The following ADGB variants were observed in gnomAD, a reference collection of about 807,000 sequenced individuals.
ADGB encodes androglobin.
A neutral mutation model predicts 210.5 loss-of-function variants in ADGB; 172 were observed. That is an observed-to-expected ratio of 0.82 (90% CI 0.72 to 0.93). ADGB has a LOEUF of 0.93. Ranked by LOEUF, ADGB falls within the 40% of genes least tolerant of loss-of-function variation. The probability of loss-of-function intolerance (pLI) is 0.00; values close to 1 mark genes in which losing one functional copy is unlikely to be tolerated. For synonymous variants in ADGB, 658 were observed against 662.7 expected (o/e 0.99, Z 0.11); for missense variants, 2,025 against 1,964.8 (o/e 1.03, Z -0.58).
chr6:146,772,933 T>G (rs1462347447), intron 29 of ADGB, among the ~76,000 whole-genome samples: 2 of 152,114 alleles, frequency 1.3e-5, no homozygotes, highest in Non-Finnish European at 2.9e-5. Context: ...AGAATGTGTC[T>G]CAGGCTATAC....
Position 146,656,923 on chromosome 6 carries a change from G to C in ADGB, c.555G>C (p.Lys185Asn). The change falls in exon 5 of 36, where the codon AAG (lysine) becomes AAC (asparagine). Residue 185 changes from lysine to asparagine, a missense_variant. Transcript: ENST00000397944. Reference sequence around the variant, plus strand: ...TATACTCTCTGTGCAAGGCTGTGAAGGGTCATATGCCTTTGTTCAATAGCT... The same window carrying C: ...TATACTCTCTGTGCAAGGCTGTGAACGGTCATATGCCTTTGTTCAATAGCT... ...EHIYSLCKAV[K>N]GHMPLFNSYG... 1 of 1,551,594 alleles carries C rather than the reference G, an allele frequency of 6.4e-7. No individual in the cohort carries two copies. Among genetic ancestry groups the C allele is most frequent in the Non-Finnish European group, 8.7e-7 (1 of 1,146,900 alleles).
chr6:146,737,104 G>T (rs1346101124), intron 23 of ADGB, among the ~76,000 whole-genome samples: 1 of 151,802 alleles, frequency 6.6e-6, no homozygotes, highest in East Asian at 1.9e-4. Flanking sequence ...TGGAAAATAT[G>T]TGGAACCATA....
chr6:146,786,169 A>ATATTATATATATTTAAGTATATAT (rs5880686), intron 32 of ADGB, among the ~76,000 whole-genome samples: 1 of 146,880 alleles, frequency 6.8e-6, no homozygotes, highest in Non-Finnish European at 1.5e-5. Context: ...AAGTTAGTAT[A>ATATTATATATATTTAAGTATATAT]TATATATATT....
chr6:146,766,927 A>C (rs1777585619), intron 28 of ADGB, among the ~76,000 whole-genome samples: 1 of 152,218 alleles, frequency 6.6e-6, no homozygotes, highest in Admixed American at 6.5e-5. Context: ...AAAATCTATC[A>C]GTATTAGTCA....
chr6:146,799,525 T>A (rs1196374010), intron 33 of ADGB, among the ~76,000 whole-genome samples: 31 of 104,380 alleles, frequency 3.0e-4, no homozygotes, highest in Middle Eastern at 0.011. Context: ...AGAGCAAGAC[T>A]CTGGGGGGAG....
At chr6:146,795,266 C>T (rs2114658130) in intron 33 of ADGB, among the ~76,000 whole-genome samples, 1 of 152,080 alleles carries the variant, frequency 6.6e-6, no homozygotes, top group South Asian at 2.1e-4. Flanking sequence ...ATGACAAAGA[C>T]ACCTAAAAGC....
chr6:146,642,419 A>G (rs561815927), intron 2 of ADGB, among the ~76,000 whole-genome samples: 2 of 152,168 alleles, frequency 1.3e-5, no homozygotes, highest in East Asian at 3.9e-4. Flanking sequence ...ATTCTACCAT[A>G]GAGACACATG....
chr6:146,807,156 T>C (rs259386), intron 35 of ADGB, among the ~76,000 whole-genome samples: 99,331 of 152,042 alleles, frequency 0.65, 32,733 homozygotes, highest in East Asian at 0.79. Context: ...AAAAAAAGTA[T>C]GTTTTGACTA....
At chr6:146,740,320 C>A (rs745702231) in intron 23 of ADGB, 139 bp from the exon 24 acceptor site, 11 of 733,758 alleles carry the variant, frequency 1.5e-5, no homozygotes, top group Non-Finnish European at 2.1e-5. Context: ...CTACACAGAC[C>A]CCCTTTGATC....
intron 8 of ADGB, among the ~76,000 whole-genome samples, chr6:146,674,540 G>C (rs910257136): frequency 2.6e-5 from 4 of 152,168 alleles, no homozygotes; most frequent in African/African-American, 9.7e-5. Flanking sequence ...TACAGGTGTA[G>C]GTGGGTAAAC....
At chr6:146,788,648 T>G in intron 33 of ADGB, 38 bp downstream of exon 33, 2 of 1,520,678 alleles carry the variant, frequency 1.3e-6, no homozygotes, top group South Asian at 2.4e-5. Context: ...AACATGTATT[T>G]TCAAATAAAA....
At position 146,660,183 on chromosome 6, in the gene ADGB, A is replaced by G. The variant is rs79602652; in HGVS notation, c.612+3203A>G. Among the ~76,000 whole-genome samples the G allele has an allele frequency of 5.4e-3, 817 of 152,302 alleles. 3 individuals carry two copies. Among genetic ancestry groups the G allele is most frequent in the Non-Finnish European group, 8.4e-3 (573 of 68,028 alleles). Reference sequence around the variant, plus strand: ...AGGGTAGAGCCTGCAATCCTGCATTATAAGAAAACTCTCTCATCCAGTGAC... The same window carrying G: ...AGGGTAGAGCCTGCAATCCTGCATTGTAAGAAAACTCTCTCATCCAGTGAC... On this transcript the variant is annotated intron_variant, in intron 5 of 35. Coordinates refer to ENST00000397944, the MANE Select transcript of ADGB (RefSeq NM_024694.4).
chr6:146,674,432 G>A (rs1776058549), intron 8 of ADGB, among the ~76,000 whole-genome samples: 2 of 152,242 alleles, frequency 1.3e-5, no homozygotes, highest in East Asian at 1.9e-4. Context: ...AGAAGAAGGA[G>A]CAAGTTCCAC....
chr6:146,647,982 G>T (rs1562264014), intron 3 of ADGB, among the ~76,000 whole-genome samples: 2 of 151,580 alleles, frequency 1.3e-5, no homozygotes, highest in Admixed American at 6.6e-5. Context: ...CACATACAAA[G>T]GTTTTAAAAA....
At chr6:146,656,095 A>G (rs1775776754) in intron 4 of ADGB, among the ~76,000 whole-genome samples, 1 of 152,206 alleles carries the variant, frequency 6.6e-6, no homozygotes. Context: ...ACTGCAACTT[A>G]GAGAGGTGGA....
chr6:146,653,659 G>A (rs1373526592), intron 3 of ADGB, among the ~76,000 whole-genome samples: 4 of 152,044 alleles, frequency 2.6e-5, no homozygotes, highest in African/African-American at 9.7e-5. Flanking sequence ...ATACCTGGGT[G>A]ATGAAATAAT....
chr6:146,688,446 C>T (rs78101257), intron 10 of ADGB, among the ~76,000 whole-genome samples: 165 of 152,134 alleles, frequency 1.1e-3, no homozygotes, highest in African/African-American at 3.8e-3. Flanking sequence ...GGAAATCTTA[C>T]GTTGGAAAGT....
chr6:146,716,657 T>C (rs1776740247), intron 14 of ADGB, among the ~76,000 whole-genome samples: 2 of 149,534 alleles, frequency 1.3e-5, no homozygotes, highest in Non-Finnish European at 1.5e-5. Flanking sequence ...AAAGTAATTC[T>C]GAAATTTTTG....
rs1583593787 is a variant in ADGB at position 146,694,960 on chromosome 6, TG to T, written c.1577+2048del. ...CAGTGTCATTAATTTAGTCAAAATT[TG>T]GGCTAAATTAACCACTTGTAATATA... On this transcript the variant is annotated intron_variant, in intron 12 of 35. Coordinates refer to ENST00000397944, the MANE Select transcript of ADGB (RefSeq NM_024694.4). Among the ~76,000 whole-genome samples, 5 of 152,196 alleles carry T rather than the reference TG, an allele frequency of 3.3e-5. No individual in the cohort carries two copies. The East Asian group carries it at 9.6e-4, about 29-fold the overall frequency.
Sources: gnomAD v4.1 joint callset for allele counts (sites outside exome capture counted in the v4.1 genomes callset) on GRCh38, gnomAD v4.1.1 for gene constraint, MANE v1.5 for transcripts, NCBI Gene and HGNC (gene_info 2026-07-23, HGNC 2026-07-21) for gene names.